The following SUZ12 variants were observed in gnomAD, a reference collection of about 807,000 sequenced individuals.
The protein encoded by SUZ12 is SUZ12 polycomb repressive complex 2 subunit, also known as polycomb protein SUZ12.
Under a neutral mutation model 87.3 loss-of-function variants are expected in SUZ12, and 17 were observed. The ratio of observed to expected loss-of-function variants is 0.19; its 90% CI spans 0.13 to 0.29. SUZ12 has a LOEUF of 0.29. Among genes scored for constraint, SUZ12 ranks in the 10% least tolerant of loss-of-function variants. The probability of loss-of-function intolerance (pLI) is 1.00; values close to 1 mark genes in which losing one functional copy is unlikely to be tolerated. For synonymous variants in SUZ12, 253 were observed against 312.4 expected, an observed-to-expected ratio of 0.81 and a Z score of 2.01; for missense variants, 526 against 912.2, an observed-to-expected ratio of 0.58 and a Z score of 5.45.
intron 4 of SUZ12, among the ~76,000 whole-genome samples, chr17:31,958,818 C>T (rs989797306): frequency 1.3e-5 from 2 of 152,066 alleles, no homozygotes; most frequent in African/African-American, 4.8e-5. Flanking sequence ...TGCACTCCAT[C>T]CTGGCTACAG....
At position 31,979,819 on chromosome 17, in the gene SUZ12, A is replaced by G. The variant is rs149112777; in HGVS notation, c.918-3180A>G. Among the ~76,000 whole-genome samples, 146 of 152,292 alleles carry G rather than the reference A, an allele frequency of 9.6e-4. 1 individual carries two copies. Among genetic ancestry groups the G allele is most frequent in the African/African-American group, 3.1e-3 (129 of 41,562 alleles). The stretch of plus-strand genomic sequence containing the variant: ...CTGAGTAAATATCCATTTTCTTCCC[A>G]TAGCCTTTCACCCAATAGTTTTAGC... On this transcript the variant is annotated intron_variant, in intron 8 of 15. Coordinates refer to ENST00000322652, the MANE Select transcript of SUZ12 (RefSeq NM_015355.4).
chr17:31,943,495 G>A (rs1431997111), intron 3 of SUZ12, among the ~76,000 whole-genome samples: 1 of 152,044 alleles, frequency 6.6e-6, no homozygotes, highest in Non-Finnish European at 1.5e-5. Context: ...GTGAGGGTAG[G>A]GGAGATAACA....
chr17:31,953,185 A>C (rs1907088884), intron 4 of SUZ12, among the ~76,000 whole-genome samples: 1 of 152,034 alleles, frequency 6.6e-6, no homozygotes. Flanking sequence ...GGCTCACTGC[A>C]ACCTCCGCCT....
In SUZ12 at chr17:31,937,262, C is replaced by T. The variant is rs1905986323; in HGVS notation, c.16C>T (p.His6Tyr). ...AGGAACCGCGATGGCGCCTCAGAAG[C>T]ACGGCGGTGGGGGAGGGGGCGGCTC... The part of the protein sequence containing the change: MAPQK[H>Y]GGGGGGGSGP... Residue 6 changes from histidine (H) to tyrosine (Y), a missense_variant, in exon 1 of 16, where the codon CAC (histidine) becomes TAC (tyrosine). His to Tyr is a moderately conservative substitution (Grantham distance 83). This residue lies in a region of SUZ12 where 92 missense variants were observed against 109.9 expected (regional missense o/e 0.84). Coordinates refer to ENST00000322652, the MANE Select transcript of SUZ12 (RefSeq NM_015355.4). The T allele has an allele frequency of 7.2e-7, 1 of 1,396,304 alleles. No individual in the cohort carries two copies. The highest frequency in any genetic ancestry group is 9.2e-7 in the Non-Finnish European group (1 of 1,086,212). The allele number at this position is 1,396,304 out of a possible 1,614,324, so 86.5% of individuals were successfully genotyped here.
chr17:31,991,058 T>C (rs549416708), intron 10 of SUZ12, among the ~76,000 whole-genome samples: 2 of 152,324 alleles, frequency 1.3e-5, no homozygotes, highest in African/African-American at 4.8e-5. Context: ...AGTTCTGTCA[T>C]TTTTGTGTCT....
chr17:31,983,885 CTT>C (rs1196202930), intron 9 of SUZ12, among the ~76,000 whole-genome samples: 1 of 152,048 alleles, frequency 6.6e-6, no homozygotes. Context: ...TAAGATAACT[CTT>C]TTAAGAGATA....
intron 4 of SUZ12, among the ~76,000 whole-genome samples, chr17:31,951,302 T>C (rs898777551): frequency 6.6e-6 from 1 of 152,192 alleles, no homozygotes; most frequent in Non-Finnish European, 1.5e-5. Flanking sequence ...TGCCTGAGTT[T>C]ATTATGACAT....
In SUZ12 at chr17:31,937,195, T is replaced by C; in HGVS notation, c.-52T>C. On this transcript the variant is annotated 5_prime_UTR_variant, in exon 1 of 16. Coordinates refer to ENST00000322652, the MANE Select transcript of SUZ12 (RefSeq NM_015355.4). ...AGCGGTTGGTATTGCAGGCGCTTGC[T>C]CTCCGGGGCCGCCCGGCGGGTAGCT... 1 of 1,384,558 alleles carries C rather than the reference T, an allele frequency of 7.2e-7. No homozygotes were observed. Among genetic ancestry groups the C allele is most frequent in the Non-Finnish European group, 9.3e-7 (1 of 1,078,684 alleles). The allele number at this position is 1,384,558 out of a possible 1,614,324, so 85.8% of individuals were successfully genotyped here.
intron 4 of SUZ12, among the ~76,000 whole-genome samples, chr17:31,951,813 C>T (rs1396720279): frequency 1.6e-4 from 23 of 144,252 alleles, no homozygotes; most frequent in Non-Finnish European, 3.0e-4. Context: ...CTCACATTGT[C>T]GCCCAGGCTG....
chr17:31,971,196 G>A (rs767358882), intron 5 of SUZ12, among the ~76,000 whole-genome samples: 1 of 152,054 alleles, frequency 6.6e-6, no homozygotes, highest in African/African-American at 2.4e-5. Flanking sequence ...CTGTCTCTAC[G>A]TTTTATAATG....
chr17:31,992,901 T>C (rs1230548408), intron 10 of SUZ12, among the ~76,000 whole-genome samples: 1 of 151,672 alleles, frequency 6.6e-6, no homozygotes, highest in Non-Finnish European at 1.5e-5. Flanking sequence ...GAGATGGGGT[T>C]TTGCCACGTT....
intron 4 of SUZ12, among the ~76,000 whole-genome samples, chr17:31,948,965 T>C (rs555347619): frequency 3.6e-4 from 55 of 152,272 alleles, no homozygotes; most frequent in African/African-American, 1.3e-3. Flanking sequence ...CAGGGCCTTT[T>C]TTACTTAAAA....
At chr17:31,940,075 C>T (rs1906181312) in intron 1 of SUZ12, among the ~76,000 whole-genome samples, 1 of 152,108 alleles carries the variant, frequency 6.6e-6, no homozygotes, top group Non-Finnish European at 1.5e-5. Context: ...GTATAAAAAG[C>T]ATAGATGAAC....
chr17:31,938,502 TTCTC>T (rs1006230142), intron 1 of SUZ12, among the ~76,000 whole-genome samples: 3 of 152,228 alleles, frequency 2.0e-5, no homozygotes, highest in African/African-American at 2.4e-5. Flanking sequence ...CCTTCCTTCA[TTCTC>T]TCTCATTAGT....
At chr17:31,986,237 C>T (rs543460522) in intron 9 of SUZ12, among the ~76,000 whole-genome samples, 4 of 152,272 alleles carry the variant, frequency 2.6e-5, no homozygotes, top group Admixed American at 6.5e-5. Flanking sequence ...CTACTGTGCC[C>T]GGCCTATCTG....
rs190276295 is a variant in SUZ12 at position 31,972,397 on chromosome 17, A to G, written c.506-749A>G. On this transcript the variant is annotated intron_variant, in intron 5 of 15. Transcript: ENST00000322652. ...TGTTTGTGTGTGTATATATATATAT[A>G]TATATATAAATAGAAATGTGTAGAT... Among the ~76,000 whole-genome samples the G allele has an allele frequency of 6.7e-5, 10 of 150,264 alleles. No individual in the cohort carries two copies. The East Asian group carries it at 1.4e-3, about 20-fold the overall frequency.
chr17:31,947,444 GT>G (rs1243563467), intron 3 of SUZ12, among the ~76,000 whole-genome samples, 172 bp from the exon 4 acceptor site: 1 of 152,124 alleles, frequency 6.6e-6, no homozygotes. Flanking sequence ...CTCGTGTGCT[GT>G]ATTATACACC....
chr17:31,944,066 A>C (rs1906467683), intron 3 of SUZ12, among the ~76,000 whole-genome samples: 1 of 152,100 alleles, frequency 6.6e-6, no homozygotes, highest in South Asian at 2.1e-4. Flanking sequence ...TAATTTACAA[A>C]GTAATTAAAT....
intron 9 of SUZ12, among the ~76,000 whole-genome samples, chr17:31,983,572 A>G (rs1234964357): frequency 2.6e-5 from 4 of 151,966 alleles, no homozygotes; most frequent in Non-Finnish European, 5.9e-5. Context: ...GAGCCACTGC[A>G]CCCGGCCACA....
Sources: allele counts gnomAD v4.1 joint callset (sites outside exome capture counted in the v4.1 genomes callset), GRCh38; gene constraint gnomAD v4.1.1; regional missense constraint gnomAD v4.1.1; transcripts MANE v1.5; gene names NCBI Gene and HGNC (gene_info 2026-07-23, HGNC 2026-07-21).